The following RAB18 variants were observed in gnomAD, a reference collection of about 807,000 sequenced individuals.
RAB18 encodes the protein RAB18, member RAS oncogene family.
A neutral mutation model predicts 28.5 loss-of-function variants in RAB18; 10 were observed. The ratio of observed to expected loss-of-function variants is 0.35; its 90% CI spans 0.22 to 0.60. The LOEUF (loss-of-function observed/expected upper bound fraction) is 0.60. Among genes scored for constraint, RAB18 ranks in the 20% least tolerant of loss-of-function variants. The probability of loss-of-function intolerance (pLI) is 0.78; values close to 1 mark genes in which losing one functional copy is unlikely to be tolerated. For missense variants in RAB18, 188 were observed against 244.2 expected (o/e 0.77, Z 1.53); for synonymous variants, 93 against 86.9 (o/e 1.07, Z -0.39).
At chr10:27,520,916 C>CAAAAA (rs58688075) in intron 2 of RAB18, among the ~76,000 whole-genome samples, 8 of 40,086 alleles carry the variant, frequency 2.0e-4, no homozygotes, top group East Asian at 8.3e-4. Context: ...GACTCCATCT[C>CAAAAA]AAAAAAAAAA....
intron 3 of RAB18, 62 bp downstream of exon 3, chr10:27,526,951 T>A: frequency 6.5e-7 from 1 of 1,526,884 alleles, no homozygotes; most frequent in South Asian, 1.1e-5. Flanking sequence ...ATGCAGAAAT[T>A]GATTTGTGTA....
intron 6 of RAB18, among the ~76,000 whole-genome samples, chr10:27,534,601 A>G (rs751572517): frequency 2.6e-5 from 4 of 152,328 alleles, no homozygotes; most frequent in East Asian, 1.9e-4. Context: ...AATATTTTCT[A>G]TCTGGCCCTT....
At position 27,542,182 on chromosome 10, in the gene RAB18, A is replaced by T. The variant is rs540759797; in HGVS notation, c.*4131A>T. ...TGGATCAAATTGGACCTGAATTGAG[A>T]TCTATTTCTCAGCTTTCACTTATGT... On this transcript the variant is annotated 3_prime_UTR_variant, in exon 7 of 7. Transcript: ENST00000356940. The T allele has an allele frequency of 2.2e-6, 1 of 453,952 alleles. No individual in the cohort carries two copies. The highest frequency in any genetic ancestry group is 2.0e-5 in the African/African-American group (1 of 49,984). 28.1% of individuals were successfully genotyped at this position (453,952 alleles called of 1,614,324 possible).
chr10:27,529,333 G>A (rs1341777200), intron 3 of RAB18, among the ~76,000 whole-genome samples: 20 of 151,856 alleles, frequency 1.3e-4, no homozygotes, highest in Admixed American at 1.1e-3. Context: ...TGGGTGTAAC[G>A]TATTTAGGAA....
Position 27,538,722 on chromosome 10 carries a change from A to T in RAB18, c.*671A>T. ...GGAGTTTTAATCCTGTGATATGTAC[A>T]TTGGATTCATGACTGTGCAGCATTT... is the stretch of plus-strand genomic sequence containing the variant. On this transcript the variant is annotated 3_prime_UTR_variant, in exon 7 of 7. Transcript: ENST00000356940. The T allele has an allele frequency of 2.2e-6, 1 of 454,112 alleles. No individual in the cohort carries two copies. The highest frequency in any genetic ancestry group is 4.4e-6 in the Non-Finnish European group (1 of 226,766). The allele number at this position is 454,112 out of a possible 1,614,324, so 28.1% of individuals were successfully genotyped here.
intron 1 of RAB18, among the ~76,000 whole-genome samples, chr10:27,507,911 T>C (rs971611025): frequency 3.3e-5 from 5 of 151,540 alleles, no homozygotes; most frequent in African/African-American, 1.2e-4. Context: ...GCCATGGTGA[T>C]GCACACCTGT....
intron 1 of RAB18, chr10:27,504,995 TG>T (rs1405922989): frequency 1.9e-6 from 1 of 533,480 alleles, no homozygotes; most frequent in Non-Finnish European, 3.8e-6. Context: ...GTGAAAGAAC[TG>T]GATCTTGTGA....
chr10:27,527,477 C>CTT (rs1834698376), intron 3 of RAB18, among the ~76,000 whole-genome samples: 1 of 151,940 alleles, frequency 6.6e-6, no homozygotes, highest in African/African-American at 2.4e-5. Context: ...ATCCAAGATG[C>CTT]TTAGTGTCTA....
chr10:27,528,712 A>G (rs1004798718), intron 3 of RAB18, among the ~76,000 whole-genome samples: 2 of 152,052 alleles, frequency 1.3e-5, no homozygotes, highest in Non-Finnish European at 2.9e-5. Context: ...ATCCTGATTT[A>G]TACGTCTGTG....
At chr10:27,517,323 A>G (rs1434985297) in intron 2 of RAB18, among the ~76,000 whole-genome samples, 2 of 152,182 alleles carry the variant, frequency 1.3e-5, no homozygotes, top group Non-Finnish European at 2.9e-5. Context: ...AGATTGTGCC[A>G]CTGCACTGCA....
At chr10:27,537,119 T>C (rs1834916033) in intron 6 of RAB18, among the ~76,000 whole-genome samples, 1 of 152,204 alleles carries the variant, frequency 6.6e-6, no homozygotes, top group Non-Finnish European at 1.5e-5. Flanking sequence ...ATGGCTTGGA[T>C]AGCAGCAGGG....
rs765623377 is a variant in RAB18 at position 27,539,756 on chromosome 10, A to G, written c.*1705A>G. On this transcript the variant is annotated 3_prime_UTR_variant, in exon 7 of 7. Coordinates refer to ENST00000356940, the MANE Select transcript of RAB18 (RefSeq NM_021252.5). ...ATATGAGTTACTTGAATATAACAAA[A>G]ATGAATTTTGTTTGATAGATTTATA... The G allele has an allele frequency of 1.1e-4, 51 of 450,174 alleles. No individual in the cohort carries two copies. The highest frequency in any genetic ancestry group is 2.1e-4 in the Non-Finnish European group (48 of 225,738). The allele number at this position is 450,174 out of a possible 1,614,324, so 27.9% of individuals were successfully genotyped here. A position where few individuals can be genotyped will look rare whatever the true frequency, so the allele number is the denominator to read the frequency against.
In RAB18 at chr10:27,540,293, A is replaced by G. The variant is rs186240753; in HGVS notation, c.*2242A>G. The G allele has an allele frequency of 3.2e-4, 146 of 454,072 alleles. 2 individuals carry two copies. In the East Asian group the frequency reaches 8.0e-3, roughly 25 times the overall value. The allele number at this position is 454,072 out of a possible 1,614,324, so 28.1% of individuals were successfully genotyped here. ...TGCCCATTTTAAAGGTGAGGACAAC[A>G]CAATGTAGGTATGTTAGGTAACCCC... On this transcript the variant is annotated 3_prime_UTR_variant, in exon 7 of 7. Coordinates refer to ENST00000356940, the MANE Select transcript of RAB18 (RefSeq NM_021252.5).
intron 2 of RAB18, among the ~76,000 whole-genome samples, chr10:27,524,752 T>A (rs1200593672): frequency 1.3e-5 from 2 of 152,216 alleles, no homozygotes; most frequent in African/African-American, 4.8e-5. Context: ...CCACTGCTGC[T>A]ACCAATTAAG....
At chr10:27,524,167 C>T (rs945188562) in intron 2 of RAB18, among the ~76,000 whole-genome samples, 18 of 152,174 alleles carry the variant, frequency 1.2e-4, no homozygotes, top group Admixed American at 3.9e-4. Flanking sequence ...TGGCCTCAAG[C>T]GATCCTCCCA....
At chr10:27,531,707 A>C (rs1288952433) in intron 3 of RAB18, 2 of 684,760 alleles carry the variant, frequency 2.9e-6, no homozygotes, top group Non-Finnish European at 5.4e-6. Flanking sequence ...AGGTACCTTG[A>C]ATCCATAGTC....
At chr10:27,522,578 A>G (rs920662493) in intron 2 of RAB18, among the ~76,000 whole-genome samples, 1 of 152,070 alleles carries the variant, frequency 6.6e-6, no homozygotes, top group South Asian at 2.1e-4. Flanking sequence ...CCATTTTGCT[A>G]TTTATTTCCT....
At chr10:27,525,713 A>G (rs909849623) in intron 2 of RAB18, among the ~76,000 whole-genome samples, 6 of 152,202 alleles carry the variant, frequency 3.9e-5, no homozygotes, top group Non-Finnish European at 5.9e-5. Context: ...TTAAAAATAT[A>G]TATATTTGGT....
chr10:27,516,402 A>G (rs892443615), intron 2 of RAB18, among the ~76,000 whole-genome samples: 2 of 152,066 alleles, frequency 1.3e-5, no homozygotes, highest in African/African-American at 4.8e-5. Context: ...CCCTAAAAAT[A>G]CAAAAATTAG....
Sources: gnomAD v4.1 joint callset for allele counts (sites outside exome capture counted in the v4.1 genomes callset) on GRCh38, gnomAD v4.1.1 for gene constraint, MANE v1.5 for transcripts, NCBI Gene and HGNC (gene_info 2026-07-23, HGNC 2026-07-21) for gene names.